FCRL1: variants seen among roughly 807,000 people sequenced by gnomAD.
The protein encoded by FCRL1 is Fc receptor like 1, also known as Fc receptor-like protein 1.
In FCRL1, 34 loss-of-function variants were observed where a neutral mutation model predicts 49.2. That is an observed-to-expected ratio of 0.69 (90% CI 0.53 to 0.92). FCRL1 has a LOEUF of 0.92. FCRL1 is among the 40% of genes least tolerant of loss of function. FCRL1 has a pLI of 0.00. For synonymous variants in FCRL1, 218 were observed against 201.6 expected, an observed-to-expected ratio of 1.08 and a Z score of -0.69; for missense variants, 524 against 524.1, an observed-to-expected ratio of 1.00 and a Z score of 0.00.
At chr1:157,804,318 C>A in intron 2 of FCRL1, 1 of 571,512 alleles carries the variant, frequency 1.7e-6, no homozygotes, top group Non-Finnish European at 3.1e-6. Flanking sequence ...ACATCCTGCC[C>A]CTGTGCAGTA....
In FCRL1 at chr1:157,801,955, C is replaced by T. The variant is rs745418306; in HGVS notation, c.846G>A (p.Leu282=). Residue 282 remains leucine, a synonymous_variant, in exon 5 of 11, where the codon CTG becomes CTA. Transcript: ENST00000368176. ...TCACCGCCTCACTGCGCTGGGCCCC[C>T]AGGCCATTGTTGGCCTCACAGGAGT... The part of the protein sequence containing the change: ...GNYSCEANNG[L]GAQRSEAVTL... The T allele has an allele frequency of 9.3e-6, 15 of 1,614,106 alleles. No individual in the cohort carries two copies. The African/African-American group carries it at 2.0e-4, about 22-fold the overall frequency.
At chr1:157,801,025 G>A (rs1042630628) in intron 6 of FCRL1, among the ~76,000 whole-genome samples, 8 of 152,032 alleles carry the variant, frequency 5.3e-5, no homozygotes, top group African/African-American at 9.7e-5. Context: ...CCAAGTAGCT[G>A]GGATTACAGG....
At chr1:157,798,416 T>C (rs986801123) in intron 7 of FCRL1, among the ~76,000 whole-genome samples, 173 bp from the exon 8 acceptor site, 3 of 152,186 alleles carry the variant, frequency 2.0e-5, no homozygotes, top group African/African-American at 7.2e-5. Flanking sequence ...TCTGTGCACA[T>C]GCTGAGTGGG....
chr1:157,799,839 A>G (rs1473788509), intron 7 of FCRL1, among the ~76,000 whole-genome samples: 1 of 152,154 alleles, frequency 6.6e-6, no homozygotes, highest in African/African-American at 2.4e-5. Flanking sequence ...AAGGGGATCA[A>G]CAGGAAAAAT....
At chr1:157,801,632 G>T in intron 5 of FCRL1, 55 bp from the exon 6 acceptor site, 1 of 1,273,180 alleles carries the variant, frequency 7.9e-7, no homozygotes, top group South Asian at 1.3e-5. Flanking sequence ...GGGGCTTAGA[G>T]AGCAGACATC....
rs892786240 is a variant in FCRL1, at chr1:157,795,940, G to C, written c.*159C>G. 1 of 634,148 alleles carries C rather than the reference G, an allele frequency of 1.6e-6. No homozygotes were observed. Among genetic ancestry groups the C allele is most frequent in the South Asian group, 2.1e-5 (1 of 48,320 alleles). The allele number at this position is 634,148 out of a possible 1,614,324, so 39.3% of individuals were successfully genotyped here. ...TCCTAGGTAGTTTCTTCAGGGCTGC[G>C]CCAACTTCACTTCACAGTAGATGAA... On this transcript the variant is annotated 3_prime_UTR_variant, in exon 11 of 11. Transcript: ENST00000368176.
chr1:157,811,569 T>C (rs1654320966), intron 1 of FCRL1, among the ~76,000 whole-genome samples: 1 of 152,214 alleles, frequency 6.6e-6, no homozygotes, highest in African/African-American at 2.4e-5. Flanking sequence ...TTTTGGAAGC[T>C]GCCTGGAGTT....
chr1:157,815,342 C>A (rs1654880949), intron 1 of FCRL1, among the ~76,000 whole-genome samples: 1 of 151,724 alleles, frequency 6.6e-6, no homozygotes, highest in Admixed American at 6.6e-5. Context: ...ACATCATGCT[C>A]CCAAAGAACC....
At chr1:157,798,402 C>T (rs1407040759) in intron 7 of FCRL1, among the ~76,000 whole-genome samples, 159 bp from the exon 8 acceptor site, 4 of 152,168 alleles carry the variant, frequency 2.6e-5, no homozygotes, top group African/African-American at 7.2e-5. Context: ...GTATGAGTCA[C>T]GGCTCTGTGC....
At chr1:157,809,221 T>C (rs1193441106) in intron 1 of FCRL1, among the ~76,000 whole-genome samples, 9 of 151,784 alleles carry the variant, frequency 5.9e-5, no homozygotes, top group Non-Finnish European at 1.3e-4. Flanking sequence ...ATGGATGAAG[T>C]CTAGGTATCA....
chr1:157,811,652 G>A (rs1654334563), intron 1 of FCRL1, among the ~76,000 whole-genome samples: 2 of 152,150 alleles, frequency 1.3e-5, no homozygotes, highest in South Asian at 2.1e-4. Flanking sequence ...AGCTACTACT[G>A]CACAGCACCA....
At chr1:157,807,540 T>C (rs937534539) in intron 1 of FCRL1, among the ~76,000 whole-genome samples, 1 of 152,138 alleles carries the variant, frequency 6.6e-6, no homozygotes, top group East Asian at 1.9e-4. Flanking sequence ...CTTTCAAAAG[T>C]CTTGAGGATC....
chr1:157,813,024 C>A (rs1422976892), intron 1 of FCRL1, among the ~76,000 whole-genome samples: 7 of 152,156 alleles, frequency 4.6e-5, no homozygotes, highest in African/African-American at 1.7e-4. Context: ...ACACAGAGAC[C>A]ACACTACTAT....
intron 6 of FCRL1, 33 bp from the exon 7 acceptor site, chr1:157,800,118 T>C: frequency 1.2e-6 from 2 of 1,610,884 alleles, no homozygotes; most frequent in Non-Finnish European, 1.7e-6. Context: ...TACACATAAA[T>C]GGAAGAACCC....
intron 8 of FCRL1, 42 bp from the exon 9 acceptor site, chr1:157,797,981 T>A (rs1270188616): frequency 6.3e-7 from 1 of 1,597,482 alleles, no homozygotes; most frequent in East Asian, 2.2e-5. Context: ...AGCCCCTGAT[T>A]CCTGTCTTTC....
rs1197487409 is a variant in FCRL1, at chr1:157,804,126, TAA to T, written c.53-17_53-16del. The T allele has an allele frequency of 1.2e-6, 2 of 1,612,318 alleles. No individual in the cohort carries two copies. The highest frequency in any genetic ancestry group is 1.7e-6 in the Non-Finnish European group (2 of 1,179,114). On this transcript the variant is annotated splice_polypyrimidine_tract_variant and intron_variant, in intron 2 of 10. Coordinates refer to ENST00000368176, the MANE Select transcript of FCRL1 (RefSeq NM_052938.5). ...CAAAAACAGCTCTAGAGAGAGGAAT[TAA>T]ACACAAATGATTAATGCGGTTCGGA...
intron 1 of FCRL1, among the ~76,000 whole-genome samples, chr1:157,811,838 C>T (rs1429035965): frequency 6.6e-6 from 1 of 152,190 alleles, no homozygotes. Flanking sequence ...CTAGGAATCA[C>T]TCCATTTTCT....
At chr1:157,815,509 G>T (rs1654902616) in intron 1 of FCRL1, among the ~76,000 whole-genome samples, 1 of 151,650 alleles carries the variant, frequency 6.6e-6, no homozygotes, top group South Asian at 2.1e-4. Flanking sequence ...ATAGAAGAAA[G>T]ATCTAAAATA....
rs1651386169 is a variant in FCRL1, at chr1:157,795,856, A to G, written c.*243T>C. On this transcript the variant is annotated 3_prime_UTR_variant, in exon 11 of 11. Coordinates refer to ENST00000368176, the MANE Select transcript of FCRL1 (RefSeq NM_052938.5). ...GCACAATATGACCTGTTTTCAAAGG[A>G]GCCGGCAGGAATCTGGTTCTGATAA... The G allele has an allele frequency of 2.3e-6, 1 of 436,650 alleles. No homozygotes were observed. Among genetic ancestry groups the G allele is most frequent in the Non-Finnish European group, 4.2e-6 (1 of 240,524 alleles). The allele number at this position is 436,650 out of a possible 1,614,324, so 27.0% of individuals were successfully genotyped here. A position where few individuals can be genotyped will look rare whatever the true frequency, so the allele number is the denominator to read the frequency against.
Sources: allele counts gnomAD v4.1 joint callset (sites outside exome capture counted in the v4.1 genomes callset), GRCh38; gene constraint gnomAD v4.1.1; transcripts MANE v1.5; gene names NCBI Gene and HGNC (gene_info 2026-07-23, HGNC 2026-07-21).